Variants in MAGI2 observed in about 807,000 individuals in gnomAD.
The protein encoded by MAGI2 is membrane-associated guanylate kinase, WW and PDZ domain-containing protein 2.
Under a neutral mutation model 133.3 loss-of-function variants are expected in MAGI2, and 35 were observed. The observed-to-expected ratio is 0.26, with a 90% confidence interval of 0.20 to 0.35. The LOEUF (loss-of-function observed/expected upper bound fraction) is 0.35, where lower values mean the gene tolerates loss of function less well. Among genes scored for constraint, MAGI2 ranks in the 10% least tolerant of loss-of-function variants. MAGI2 has a pLI of 1.00. For missense variants in MAGI2, 1,636 were observed against 1,863.4 expected (o/e 0.88, Z 2.25); for synonymous variants, 729 against 710.6 (o/e 1.03, Z -0.41).
intron 1 of MAGI2, among the ~76,000 whole-genome samples, chr7:79,146,601 G>A (rs1822649147): frequency 6.6e-6 from 1 of 152,180 alleles, no homozygotes; most frequent in African/African-American, 2.4e-5. Flanking sequence ...TTGTGGTAAT[G>A]AATAAGTGTC....
intron 1 of MAGI2, among the ~76,000 whole-genome samples, chr7:79,220,647 G>A (rs1051723038): frequency 1.3e-5 from 2 of 152,122 alleles, no homozygotes; most frequent in Admixed American, 6.5e-5. Flanking sequence ...TAATGCTCGG[G>A]GGCTAAATAA....
intron 1 of MAGI2, among the ~76,000 whole-genome samples, chr7:79,388,224 C>T (rs1844334277): frequency 6.6e-6 from 1 of 151,878 alleles, no homozygotes; most frequent in South Asian, 2.1e-4. Flanking sequence ...CTAAAACATG[C>T]CTTTTAAATC....
chr7:79,022,397 A>G (rs1159835620), intron 1 of MAGI2, among the ~76,000 whole-genome samples: 3 of 152,140 alleles, frequency 2.0e-5, no homozygotes, highest in Admixed American at 1.3e-4. Context: ...GGGAGTTTAT[A>G]GTGCTAAACA....
chr7:78,477,239 A>C (rs10238963), intron 6 of MAGI2, among the ~76,000 whole-genome samples: 3 of 151,846 alleles, frequency 2.0e-5, no homozygotes, highest in Non-Finnish European at 4.4e-5. Context: ...CACATTTAGC[A>C]CTTACAGAGA....
intron 1 of MAGI2, among the ~76,000 whole-genome samples, chr7:79,090,229 TTAA>T (rs1432818610): frequency 6.6e-5 from 10 of 152,032 alleles, no homozygotes; most frequent in Admixed American, 2.6e-4. Flanking sequence ...CCTACAGCTG[TTAA>T]TAATATTCTA....
intron 1 of MAGI2, among the ~76,000 whole-genome samples, chr7:79,448,611 G>A (rs1586023275): frequency 1.3e-5 from 2 of 152,062 alleles, no homozygotes; most frequent in Non-Finnish European, 2.9e-5. Context: ...AAACTAGGTG[G>A]TCTACTTAGG....
intron 1 of MAGI2, among the ~76,000 whole-genome samples, chr7:79,379,459 T>C (rs1045270751): frequency 1.3e-5 from 2 of 152,022 alleles, no homozygotes; most frequent in Admixed American, 1.3e-4. Flanking sequence ...TGATTTATAA[T>C]CCTTTGGGTA....
At chr7:78,529,765 C>T (rs1028880779) in intron 3 of MAGI2, among the ~76,000 whole-genome samples, 1 of 139,364 alleles carries the variant, frequency 7.2e-6, no homozygotes, top group Non-Finnish European at 1.5e-5. Flanking sequence ...CTTCCTCCTA[C>T]CTTGGTCTCC....
intron 2 of MAGI2, among the ~76,000 whole-genome samples, chr7:78,741,541 T>A (rs575440180): frequency 1.3e-5 from 2 of 151,686 alleles, no homozygotes; most frequent in African/African-American, 4.8e-5. Flanking sequence ...GCAGACTTAT[T>A]TGAAAATACA....
chr7:78,482,386 T>C (rs975454023), intron 6 of MAGI2, among the ~76,000 whole-genome samples: 2 of 151,990 alleles, frequency 1.3e-5, no homozygotes, highest in Non-Finnish European at 2.9e-5. Flanking sequence ...AATCCAGCAA[T>C]TGCACTCTTG....
chr7:78,403,742 G>C (rs1232606333), intron 6 of MAGI2, among the ~76,000 whole-genome samples: 1 of 152,080 alleles, frequency 6.6e-6, no homozygotes, highest in African/African-American at 2.4e-5. Context: ...GCATTTCTCT[G>C]ATGGCCAGTG....
intron 2 of MAGI2, among the ~76,000 whole-genome samples, chr7:78,791,707 G>A (rs917454366): frequency 4.6e-5 from 7 of 151,838 alleles, no homozygotes; most frequent in African/African-American, 1.7e-4. Context: ...ACGCCACCAC[G>A]CCTGGCTAAT....
At chr7:78,460,676 T>C (rs1051443972) in intron 6 of MAGI2, among the ~76,000 whole-genome samples, 7 of 152,194 alleles carry the variant, frequency 4.6e-5, no homozygotes, top group African/African-American at 1.7e-4. Flanking sequence ...GCCCATTTCT[T>C]GGAACGCAGG....
At chr7:78,304,100 T>C (rs916144738) in intron 9 of MAGI2, among the ~76,000 whole-genome samples, 2 of 152,316 alleles carry the variant, frequency 1.3e-5, no homozygotes, top group East Asian at 3.9e-4. Context: ...TAGCAAATAT[T>C]GTCAATTTTA....
intron 7 of MAGI2, among the ~76,000 whole-genome samples, chr7:78,354,139 G>A (rs113060347): frequency 5.3e-5 from 8 of 152,280 alleles, no homozygotes; most frequent in African/African-American, 1.9e-4. Context: ...TAGGGTATGA[G>A]GTTGAATTAG....
At position 79,113,504 on chromosome 7, in the gene MAGI2, T is replaced by A. The variant is rs370965898; in HGVS notation, c.302-106298A>T. On this transcript the variant is annotated intron_variant, in intron 1 of 21. Coordinates refer to ENST00000354212, the MANE Select transcript of MAGI2 (RefSeq NM_012301.4). ...TTTTGCTGTCTGTACTTAAACTGAA[T>A]AACAGATGCAAAGTGATCAGTCACT... 3.4e-4 allele frequency among the ~76,000 whole-genome samples: 52 copies of A among 152,278 alleles called. No individual in the cohort carries two copies. The South Asian group carries it at 0.011, about 31-fold the overall frequency.
chr7:78,641,693 A>AT (rs1159873078), intron 2 of MAGI2, among the ~76,000 whole-genome samples: 4 of 151,848 alleles, frequency 2.6e-5, no homozygotes, highest in South Asian at 2.1e-4. Flanking sequence ...TCATGTGTCA[A>AT]TTTTTTTTTA....
chr7:78,881,641 A>T lies in MAGI2; in HGVS notation c.418+125449T>A, dbSNP rs545408816. ...CACAGTGGAATAAAAATGGAAATCAATAAGATCTCTCAAAACCACACAATT... is the reference window on the plus strand; with the variant it reads ...CACAGTGGAATAAAAATGGAAATCATTAAGATCTCTCAAAACCACACAATT... On this transcript the variant is annotated intron_variant, in intron 2 of 21. Transcript: ENST00000354212. 3.3e-5 allele frequency among the ~76,000 whole-genome samples: 5 copies of T among 152,284 alleles called. No homozygotes were observed. The East Asian group carries it at 9.7e-4, about 30-fold the overall frequency.
chr7:79,440,457 A>C (rs140314801), intron 1 of MAGI2, among the ~76,000 whole-genome samples: 7 of 152,058 alleles, frequency 4.6e-5, no homozygotes, highest in Non-Finnish European at 8.8e-5. Flanking sequence ...AATGGTAAAA[A>C]ATTTCTTGAG....
Sources: allele counts gnomAD v4.1 joint callset (sites outside exome capture counted in the v4.1 genomes callset), GRCh38; gene constraint gnomAD v4.1.1; transcripts MANE v1.5; gene names NCBI Gene and HGNC (gene_info 2026-07-23, HGNC 2026-07-21).